Variants in JCAD observed in about 807,000 individuals in gnomAD.
JCAD encodes the protein junctional cadherin 5 associated.
In JCAD, 40 loss-of-function variants were observed where a neutral mutation model predicts 98.0. The ratio of observed to expected loss-of-function variants is 0.41; its 90% CI spans 0.32 to 0.53. JCAD has a LOEUF of 0.53. Ranked by LOEUF, JCAD falls within the 20% of genes least tolerant of loss-of-function variation. The pLI, the probability that JCAD is intolerant of heterozygous loss-of-function variation, is 0.31. For synonymous variants in JCAD, 691 were observed against 682.3 expected (o/e 1.01, Z -0.20); for missense variants, 1,705 against 1,738.1 (o/e 0.98, Z 0.34).
rs557132825 is a variant in JCAD at position 30,045,080 on chromosome 10, T to C, written c.281+2452A>G. On this transcript the variant is annotated intron_variant, in intron 2 of 3. Transcript: ENST00000375377. ...TCCCAGGGCTACACAAAGCCACTTA[T>C]CTGAGCCCTTCACTCAGGATGGAAA... 1.1e-4 allele frequency among the ~76,000 whole-genome samples: 16 copies of C among 152,310 alleles called. No individual in the cohort carries two copies. In the South Asian group the frequency reaches 3.1e-3, roughly 30 times the overall value.
chr10:30,081,321 C>A (rs890247128), intron 1 of JCAD, among the ~76,000 whole-genome samples: 5 of 152,208 alleles, frequency 3.3e-5, no homozygotes, highest in Non-Finnish European at 7.3e-5. Flanking sequence ...CCAGTTTGAA[C>A]TATCTTGGTC....
Position 30,013,106 on chromosome 10 carries a change from G to C in JCAD, c.*4777C>G, listed in dbSNP as rs1365333528. 2 of 152,220 alleles carry C rather than the reference G, an allele frequency of 1.3e-5. No homozygotes were observed. Among genetic ancestry groups the C allele is most frequent in the Non-Finnish European group, 2.9e-5 (2 of 68,106 alleles). 9.4% of individuals were successfully genotyped at this position (152,220 alleles called of 1,614,324 possible). A position where few individuals can be genotyped will look rare whatever the true frequency, so the allele number is the denominator to read the frequency against. On this transcript the variant is annotated 3_prime_UTR_variant, in exon 4 of 4. Transcript: ENST00000375377. ...TGTCTTTCTGGGACCCTTTCTACCT[G>C]TCTTAGGTATTAATGGTGCCCAAAG...
rs749749468 is a variant in JCAD, at chr10:30,028,150, G to C, written c.1998C>G (p.Phe666Leu). The C allele has an allele frequency of 4.3e-6, 7 of 1,614,218 alleles. No individual in the cohort carries two copies. The East Asian group carries it at 8.9e-5, about 21-fold the overall frequency. ...GTTCTCTGTGCTTTGTAAGGTGGAT[G>C]AAACTGAGGTCATTTGTTTGTCTGT... ...EEDRQTNDLS[F>L]IHLTKHRELK... The change falls in exon 3 of 4, where the codon TTC becomes TTG. Residue 666 changes from phenylalanine to leucine, a missense_variant. Coordinates refer to ENST00000375377, the MANE Select transcript of JCAD (RefSeq NM_020848.4).
chr10:30,018,181 T>C (rs1335691629), intron 3 of JCAD, among the ~76,000 whole-genome samples: 1 of 152,210 alleles, frequency 6.6e-6, no homozygotes, highest in African/African-American at 2.4e-5. Flanking sequence ...CTCCTTCCTG[T>C]TCACCGTGGA....
At chr10:30,074,950 G>A (rs1837956730) in intron 1 of JCAD, among the ~76,000 whole-genome samples, 1 of 152,106 alleles carries the variant, frequency 6.6e-6, no homozygotes, top group Non-Finnish European at 1.5e-5. Context: ...ATGCTGCCAT[G>A]TGTGGCTAAT....
intron 1 of JCAD, among the ~76,000 whole-genome samples, chr10:30,111,672 T>C (rs1034931275): frequency 2.6e-5 from 4 of 152,142 alleles, no homozygotes; most frequent in African/African-American, 9.7e-5. Context: ...AAATACAAAG[T>C]GAATGACTGG....
At chr10:30,089,761 C>G (rs1172976188) in intron 1 of JCAD, among the ~76,000 whole-genome samples, 1 of 152,136 alleles carries the variant, frequency 6.6e-6, no homozygotes, top group East Asian at 1.9e-4. Context: ...AATAGAGCAG[C>G]AGATGCCAGA....
rs751949694 is a variant in JCAD, at chr10:30,027,406, C to T, written c.2742G>A (p.Glu914=). The change falls in exon 3 of 4, where the codon GAG becomes GAA. Residue 914 remains glutamate (E), a synonymous_variant. Coordinates refer to ENST00000375377, the MANE Select transcript of JCAD (RefSeq NM_020848.4). The part of the protein sequence containing the change: ...CRSGRGESKS[E]SWSEELQPGH... ...CAGGCTGCAGCTCCTCACTCCAGCT[C>T]TCAGACTTACTCTCACCTCTTCCCG... The T allele has an allele frequency of 2.5e-6, 4 of 1,605,152 alleles. No homozygotes were observed. Among genetic ancestry groups the T allele is most frequent in the South Asian group, 1.1e-5 (1 of 91,060 alleles).
intron 1 of JCAD, among the ~76,000 whole-genome samples, chr10:30,114,596 A>C (rs1348394043): frequency 1.3e-5 from 2 of 151,644 alleles, no homozygotes; most frequent in Admixed American, 6.6e-5. Flanking sequence ...AAAAAAAAAA[A>C]AAAACCAGGA....
intron 1 of JCAD, among the ~76,000 whole-genome samples, chr10:30,113,499 C>T (rs913051505): frequency 3.2e-5 from 4 of 123,234 alleles, no homozygotes; most frequent in Admixed American, 1.1e-4. Context: ...TGCAATGAGC[C>T]AAGATCGTGC....
intron 1 of JCAD, among the ~76,000 whole-genome samples, chr10:30,100,222 C>A (rs1232985670): frequency 3.9e-4 from 59 of 151,948 alleles, no homozygotes; most frequent in Non-Finnish European, 1.6e-4. Context: ...ATTTCTTTTA[C>A]GGCACTGAAA....
chr10:30,019,706 CTT>C (rs1311427675), intron 3 of JCAD, among the ~76,000 whole-genome samples: 4 of 152,026 alleles, frequency 2.6e-5, no homozygotes, highest in African/African-American at 9.7e-5. Flanking sequence ...AGGATGGTGA[CTT>C]TAGTTACTAA....
At chr10:30,019,491 C>CA (rs1037216301) in intron 3 of JCAD, among the ~76,000 whole-genome samples, 70 of 148,112 alleles carry the variant, frequency 4.7e-4, no homozygotes, top group African/African-American at 1.5e-3. Context: ...TTATGGTAGT[C>CA]AAAAAAGCCA....
At chr10:30,036,262 G>A (rs1029340185) in intron 2 of JCAD, among the ~76,000 whole-genome samples, 4 of 152,076 alleles carry the variant, frequency 2.6e-5, no homozygotes, top group Non-Finnish European at 4.4e-5. Flanking sequence ...TGACCAACAC[G>A]GTGAATGAAA....
intron 3 of JCAD, among the ~76,000 whole-genome samples, chr10:30,021,543 A>T (rs76675125): frequency 0.018 from 2,684 of 152,326 alleles, 73 homozygotes; most frequent in African/African-American, 0.061. Flanking sequence ...AAAAATAAAC[A>T]GGTGAAATTA....
At chr10:30,094,237 T>C (rs1838332149) in intron 1 of JCAD, among the ~76,000 whole-genome samples, 1 of 151,518 alleles carries the variant, frequency 6.6e-6, no homozygotes. Flanking sequence ...AGGTCAGGAG[T>C]TCGAGACCAA....
chr10:30,017,808 G>T lies in JCAD; in HGVS notation c.*75C>A. The T allele has an allele frequency of 7.5e-7, 1 of 1,341,802 alleles. No individual in the cohort carries two copies. Among genetic ancestry groups the T allele is most frequent in the South Asian group, 1.2e-5 (1 of 84,656 alleles). 83.1% of individuals were successfully genotyped at this position (1,341,802 alleles called of 1,614,324 possible). On this transcript the variant is annotated 3_prime_UTR_variant, in exon 4 of 4. Coordinates refer to ENST00000375377, the MANE Select transcript of JCAD (RefSeq NM_020848.4). ...TTCCAGCTTCTACATGGGGAAGTGGGGCTGATAGACTAAATCTACCAGCTA... is the reference window on the plus strand; with the variant it reads ...TTCCAGCTTCTACATGGGGAAGTGGTGCTGATAGACTAAATCTACCAGCTA...
chr10:30,063,306 G>A (rs1837730509), upstream of JCAD, among the ~76,000 whole-genome samples: 1 of 152,178 alleles, frequency 6.6e-6, no homozygotes, highest in Admixed American at 6.5e-5. Context: ...TTGAGTCCTG[G>A]AGAAGGGATT....
At chr10:30,022,242 A>G (rs1836674669) in intron 3 of JCAD, among the ~76,000 whole-genome samples, 1 of 152,180 alleles carries the variant, frequency 6.6e-6, no homozygotes, top group Non-Finnish European at 1.5e-5. Context: ...CAGGCACGGC[A>G]CAAGGGTGTG....
Sources: gnomAD v4.1 joint callset for allele counts (sites outside exome capture counted in the v4.1 genomes callset) on GRCh38, gnomAD v4.1.1 for gene constraint, MANE v1.5 for transcripts, NCBI Gene and HGNC (gene_info 2026-07-23, HGNC 2026-07-21) for gene names.